The following NSDHL variants were observed in gnomAD, a reference collection of about 807,000 sequenced individuals.
The protein encoded by NSDHL is NAD(P) dependent 3-beta-hydroxysteroid dehydrogenase NSDHL.
A neutral mutation model predicts 23.0 loss-of-function variants in NSDHL; 1 was observed. That is an observed-to-expected ratio of 0.04 (90% confidence interval 0.02 to 0.21). The LOEUF (loss-of-function observed/expected upper bound fraction) is 0.21. Among genes scored for constraint, NSDHL ranks in the 10% least tolerant of loss-of-function variants. NSDHL has a pLI of 1.00. For missense variants in NSDHL, 237 were observed against 300.9 expected, an observed-to-expected ratio of 0.79 and a Z score of 1.57; for synonymous variants, 128 against 121.1, an observed-to-expected ratio of 1.06 and a Z score of -0.37.
rs200166523 is a variant in NSDHL, at chrX:152,869,081, G to A, written c.1087G>A (p.Val363Met). 117 of 1,210,477 alleles carry A rather than the reference G, an allele frequency of 9.7e-5. No individual in the cohort carries two copies. The highest frequency in any genetic ancestry group is 2.3e-4 in the Middle Eastern group (1 of 4,375). The change falls in exon 8 of 8, where the codon GTG becomes ATG. Residue 363 changes from valine to methionine, a missense_variant. Transcript: ENST00000370274. Reference sequence around the variant, plus strand: ...CATGGATGATGCTATGGAGAGGACCGTGCAGAGCTTTCGCCACCTGCGGAG... The same window carrying A: ...CATGGATGATGCTATGGAGAGGACCATGCAGAGCTTTCGCCACCTGCGGAG... Reference protein sequence around the residue: ...VTMDDAMERTVQSFRHLRRVK With the variant: ...VTMDDAMERTMQSFRHLRRVK
chrX:152,837,947 G>T (rs1486626133), intron 1 of NSDHL, among the ~76,000 whole-genome samples: 1 of 111,622 alleles, frequency 9.0e-6, no homozygotes, highest in African/African-American at 3.3e-5. Context: ...TGGTTGGTAG[G>T]CTATTAATTA....
chrX:152,840,578 T>G (rs1305714622), intron 1 of NSDHL, among the ~76,000 whole-genome samples: 2 of 112,443 alleles, frequency 1.8e-5, no homozygotes, highest in African/African-American at 6.5e-5. Context: ...TGCAGGTCTG[T>G]TGGAATTTGC....
In NSDHL at chrX:152,850,236, T is replaced by G. The variant is rs200930725; in HGVS notation, c.109-29T>G. The G allele has an allele frequency of 9.6e-4, 1,157 of 1,204,742 alleles. 12 individuals are homozygous for G. In the African/African-American group the frequency reaches 0.018, roughly 19 times the overall value. On this transcript the variant is annotated intron_variant, in intron 2 of 7. Coordinates refer to ENST00000370274, the MANE Select transcript of NSDHL (RefSeq NM_015922.3). ...TAGCTTCCAGTCCTCACTACCCTGG[T>G]CTTCCCCACCGTTCCTCTCTTTCCA...
At chrX:152,856,458 G>A (rs1053224219) in intron 3 of NSDHL, among the ~76,000 whole-genome samples, 3 of 111,494 alleles carry the variant, frequency 2.7e-5, no homozygotes, top group Non-Finnish European at 3.8e-5. Flanking sequence ...TTTCCCTCTG[G>A]GGTATTATTA....
intron 3 of NSDHL, among the ~76,000 whole-genome samples, chrX:152,857,615 A>G (rs1231938121): frequency 8.9e-6 from 1 of 112,278 alleles, no homozygotes; most frequent in Admixed American, 9.5e-5. Context: ...ACTAAATACT[A>G]CATGTCATGC....
chrX:152,839,041 A>G (rs1933148395), intron 1 of NSDHL, among the ~76,000 whole-genome samples: 1 of 111,777 alleles, frequency 8.9e-6, no homozygotes, highest in South Asian at 3.7e-4. Flanking sequence ...GGATCCCTTT[A>G]CCATTATGTA....
chrX:152,841,019 G>A (rs782418696), intron 1 of NSDHL, among the ~76,000 whole-genome samples: 92 of 112,719 alleles, frequency 8.2e-4, no homozygotes, highest in African/African-American at 2.8e-3. Context: ...AATGGCGGAC[G>A]CCCCTCCCCC....
Position 152,831,083 on chromosome X carries a change from G to A in NSDHL, c.-78G>A. 3.3e-6 allele frequency: 1 copy of A among 304,100 alleles called. No individual in the cohort carries two copies. 25.1% of individuals were successfully genotyped at this position (304,100 alleles called of 1,213,427 possible). ...AGTTCAGTGGGTGCAGCCTGCTTGCGAGCTGAGGCCAGACAGGGGGGCGCC... is the reference window on the plus strand; with the variant it reads ...AGTTCAGTGGGTGCAGCCTGCTTGCAAGCTGAGGCCAGACAGGGGGGCGCC... On this transcript the variant is annotated 5_prime_UTR_variant, in exon 1 of 8. Coordinates refer to ENST00000370274, the MANE Select transcript of NSDHL (RefSeq NM_015922.3).
At chrX:152,862,762 G>A (rs1197525397) in intron 5 of NSDHL, 38 bp downstream of exon 5, 7 of 1,174,826 alleles carry the variant, frequency 6.0e-6, no homozygotes, top group Non-Finnish European at 8.1e-6. Flanking sequence ...GCAGACTGAA[G>A]GGTTTAGAAT....
chrX:152,840,356 G>T (rs782725047), intron 1 of NSDHL, among the ~76,000 whole-genome samples: 4 of 112,353 alleles, frequency 3.6e-5, no homozygotes, highest in Non-Finnish European at 7.5e-5. Context: ...CTGGCGAGGA[G>T]CTGTGATCCT....
chrX:152,858,754 T>G lies in NSDHL; in HGVS notation c.268-16T>G. On this transcript the variant is annotated splice_polypyrimidine_tract_variant and intron_variant, in intron 3 of 7. Transcript: ENST00000370274. ...CAAAGCAGGAATGATTATTTTGTCTTTCTTTGCTTTTCCAGGATCTGTACC... is the reference window on the plus strand; with the variant it reads ...CAAAGCAGGAATGATTATTTTGTCTGTCTTTGCTTTTCCAGGATCTGTACC... 2 of 1,207,954 alleles carry G rather than the reference T, an allele frequency of 1.7e-6. No homozygotes were observed. Among genetic ancestry groups the G allele is most frequent in the Non-Finnish European group, 2.2e-6 (2 of 891,999 alleles).
chrX:152,841,564 A>C (rs1431286784), intron 1 of NSDHL, among the ~76,000 whole-genome samples: 1 of 112,350 alleles, frequency 8.9e-6, no homozygotes, highest in Non-Finnish European at 1.9e-5. Context: ...TCACCAGTAC[A>C]ACATATCTCT....
intron 1 of NSDHL, among the ~76,000 whole-genome samples, chrX:152,838,233 T>G (rs1429181347): frequency 8.9e-6 from 1 of 111,835 alleles, no homozygotes. Flanking sequence ...TTTATTGATC[T>G]TTTCAAAAAA....
At chrX:152,847,303 AAAAC>A (rs782609917) in intron 2 of NSDHL, among the ~76,000 whole-genome samples, 9 of 112,200 alleles carry the variant, frequency 8.0e-5, no homozygotes, top group Non-Finnish European at 1.5e-4. Flanking sequence ...ACTCTGTCTC[AAAAC>A]AAACAAACAA....
At chrX:152,858,329 A>G (rs994428457) in intron 3 of NSDHL, among the ~76,000 whole-genome samples, 2 of 112,199 alleles carry the variant, frequency 1.8e-5, no homozygotes, top group African/African-American at 6.5e-5. Context: ...AATCCCTTTC[A>G]GGTTGCTGTA....
chrX:152,842,946 C>T (rs187791306), intron 1 of NSDHL, among the ~76,000 whole-genome samples: 292 of 111,862 alleles, frequency 2.6e-3, no homozygotes, highest in Admixed American at 5.5e-3. Flanking sequence ...AGGCAGGGGA[C>T]GGGGGTTGCC....
intron 5 of NSDHL, among the ~76,000 whole-genome samples, chrX:152,864,261 G>A (rs1469388068): frequency 8.9e-6 from 1 of 112,454 alleles, no homozygotes; most frequent in Non-Finnish European, 1.9e-5. Context: ...TCCACAGGGA[G>A]ACACAAGGGC....
Position 152,867,619 on chromosome X carries a change from T to C in NSDHL, c.735T>C (p.His245=), listed in dbSNP as rs782733848. ...TCACCTTTGTGGAGAACGTGGTCCA[T>C]GGACACATCCTGGCGGCAGAGCAGC... ...VDFTFVENVV[H]GHILAAEQLS... Residue 245 remains histidine, a synonymous_variant, in exon 7 of 8, where the codon CAT becomes CAC. Coordinates refer to ENST00000370274, the MANE Select transcript of NSDHL (RefSeq NM_015922.3). 5.8e-6 allele frequency: 7 copies of C among 1,209,442 alleles called. No homozygotes were observed. In the African/African-American group the frequency reaches 8.7e-5, roughly 15 times the overall value.
rs1328670349 is a variant in NSDHL, at chrX:152,865,688, G to T, written c.544-131G>T. ...TCAGCTCAAGGCAGACCACTGCTCA[G>T]TGGCCACATGCCAGCAGAGTGTGTC... is the stretch of plus-strand genomic sequence containing the variant. On this transcript the variant is annotated intron_variant, in intron 5 of 7. Transcript: ENST00000370274. The T allele has an allele frequency of 3.5e-6, 3 of 850,008 alleles. No individual in the cohort carries two copies. In the Admixed American group the frequency reaches 6.7e-5, roughly 19 times the overall value. 70.1% of individuals were successfully genotyped at this position (850,008 alleles called of 1,213,427 possible).
Sources: allele counts gnomAD v4.1 joint callset (sites outside exome capture counted in the v4.1 genomes callset), GRCh38; gene constraint gnomAD v4.1.1; transcripts MANE v1.5; gene names NCBI Gene and HGNC (gene_info 2026-07-23, HGNC 2026-07-21).